Variants in RIN2 observed in about 807,000 individuals in gnomAD.
RIN2 encodes the protein Ras and Rab interactor 2, also known as RAB5 interacting protein 2.
RIN2 carries 36 observed loss-of-function variants against 78.0 expected under a neutral mutation model. That is an observed-to-expected ratio of 0.46 (90% CI 0.35 to 0.61). The LOEUF (loss-of-function observed/expected upper bound fraction) is 0.61, where lower values mean the gene tolerates loss of function less well. Ranked by LOEUF, RIN2 falls within the 20% of genes least tolerant of loss-of-function variation. The pLI, the probability that RIN2 is intolerant of heterozygous loss-of-function variation, is 0.00. For missense variants in RIN2, 1,087 were observed against 1,159.7 expected, an observed-to-expected ratio of 0.94 and a Z score of 0.91; for synonymous variants, 466 against 466.8, an observed-to-expected ratio of 1.00 and a Z score of 0.02.
intron 3 of RIN2, among the ~76,000 whole-genome samples, chr20:19,909,552 A>G (rs995986964): frequency 1.3e-5 from 2 of 151,834 alleles, no homozygotes; most frequent in Non-Finnish European, 2.9e-5. Context: ...CCCGGCACAC[A>G]CTCTGCACCC....
chr20:19,769,263 G>A (rs2034021790), intron 1 of RIN2, among the ~76,000 whole-genome samples: 1 of 152,136 alleles, frequency 6.6e-6, no homozygotes, highest in Admixed American at 6.6e-5. Flanking sequence ...TATTATTATT[G>A]GCTCTGAGTT....
intron 3 of RIN2, among the ~76,000 whole-genome samples, chr20:19,921,845 GTCGGTTGT>G (rs1387508008): frequency 1.5e-5 from 2 of 133,838 alleles, no homozygotes; most frequent in African/African-American, 6.0e-5. Context: ...ATTTGGATCT[GTCGGTTGT>G]TTGTTTGTTT....
chr20:19,889,141 C>G, intron 2 of RIN2: 1 of 985,448 alleles, frequency 1.0e-6, no homozygotes, highest in Non-Finnish European at 1.2e-6. Context: ...GATGACCTCA[C>G]CCCCTTCCAG....
intron 3 of RIN2, among the ~76,000 whole-genome samples, chr20:19,926,068 A>G (rs1370082830): frequency 6.6e-6 from 1 of 152,196 alleles, no homozygotes; most frequent in Non-Finnish European, 1.5e-5. Flanking sequence ...ACCTCATTAC[A>G]ATTTGTCGAG....
At chr20:19,821,659 GCT>G (rs59384906) in intron 2 of RIN2, among the ~76,000 whole-genome samples, 104 of 148,220 alleles carry the variant, frequency 7.0e-4, no homozygotes, top group Non-Finnish European at 7.3e-4. Flanking sequence ...TCCTCACGCT[GCT>G]CTCTCTCTCT....
intron 3 of RIN2, among the ~76,000 whole-genome samples, chr20:19,912,201 C>G (rs2039499232): frequency 6.6e-6 from 1 of 152,358 alleles, no homozygotes; most frequent in South Asian, 2.1e-4. Flanking sequence ...AGTCAAAATG[C>G]TGTGACCCAG....
At chr20:19,865,417 T>C (rs1031432085) in intron 2 of RIN2, among the ~76,000 whole-genome samples, 6 of 151,960 alleles carry the variant, frequency 3.9e-5, no homozygotes, top group Non-Finnish European at 8.8e-5. Flanking sequence ...CCTTAATACA[T>C]ACCCTGAGGG....
intron 2 of RIN2, among the ~76,000 whole-genome samples, chr20:19,843,148 T>G (rs1477013903): frequency 6.6e-6 from 1 of 152,174 alleles, no homozygotes; most frequent in East Asian, 1.9e-4. Context: ...AGAAAATCGT[T>G]TATTGAGATG....
At chr20:19,986,003 G>A (rs577073781) in intron 9 of RIN2, among the ~76,000 whole-genome samples, 1 of 152,290 alleles carries the variant, frequency 6.6e-6, no homozygotes, top group South Asian at 2.1e-4. Context: ...CAGGTAAAGT[G>A]GCTAGAATAG....
intron 1 of RIN2, among the ~76,000 whole-genome samples, chr20:19,796,927 ATGTTTTT>A (rs1600477923): frequency 6.6e-6 from 1 of 152,218 alleles, no homozygotes; most frequent in African/African-American, 2.4e-5. Context: ...CACAGAGTCA[ATGTTTTT>A]TGTTTTTTGT....
chr20:19,935,219 G>C lies in RIN2; in HGVS notation c.158+20G>C, dbSNP rs371203867. The C allele has an allele frequency of 4.1e-5, 65 of 1,572,494 alleles. No individual in the cohort carries two copies. The highest frequency in any genetic ancestry group is 5.3e-5 in the Non-Finnish European group (61 of 1,156,502). ...CCACAGGTGACCAGAGACACGGTTAGGTGATGGGTGCGAGAAAGGGATCGA... is the reference window on the plus strand; with the variant it reads ...CCACAGGTGACCAGAGACACGGTTACGTGATGGGTGCGAGAAAGGGATCGA... On this transcript the variant is annotated intron_variant, in intron 4 of 12. Transcript: ENST00000255006.
intron 1 of RIN2, among the ~76,000 whole-genome samples, chr20:19,773,475 G>A (rs950227888): frequency 6.6e-6 from 1 of 152,200 alleles, no homozygotes; most frequent in South Asian, 2.1e-4. Flanking sequence ...TCAAAGGGCT[G>A]GGTGTGAGTT....
chr20:19,900,945 CAAAAAAAAAAAAAAAAAA>C (rs869239642), intron 3 of RIN2, among the ~76,000 whole-genome samples: 2 of 29,572 alleles, frequency 6.8e-5, no homozygotes, highest in Non-Finnish European at 8.4e-5. Context: ...AGCTCTGTCT[CAAAAAAAAAAAAAAAAAA>C]AAAAAAAAAA....
intron 3 of RIN2, among the ~76,000 whole-genome samples, chr20:19,893,658 G>A (rs933648426): frequency 7.2e-5 from 11 of 152,066 alleles, no homozygotes; most frequent in Non-Finnish European, 1.0e-4. Flanking sequence ...CTGTGGAATC[G>A]CATCCCAGAA....
intron 2 of RIN2, among the ~76,000 whole-genome samples, chr20:19,808,401 TG>T (rs2035478587): frequency 6.6e-6 from 1 of 152,236 alleles, no homozygotes; most frequent in Non-Finnish European, 1.5e-5. Flanking sequence ...GGCTGTGGCA[TG>T]GCCCTGCTTT....
intron 11 of RIN2, 51 bp from the exon 12 acceptor site, chr20:19,996,628 C>G (rs1410907370): frequency 6.3e-7 from 1 of 1,591,746 alleles, no homozygotes; most frequent in African/African-American, 1.3e-5. Context: ...CTGTTATCAC[C>G]CGTGAGCGGA....
intron 1 of RIN2, among the ~76,000 whole-genome samples, chr20:19,797,859 C>CTTTTTTT (rs750371451): frequency 7.8e-6 from 1 of 128,114 alleles, no homozygotes; most frequent in African/African-American, 3.1e-5. Context: ...TCTACTTAAT[C>CTTTTTTT]TTTTTTTTTT....
chr20:19,828,847 C>T (rs938893143), intron 2 of RIN2, among the ~76,000 whole-genome samples: 2 of 152,074 alleles, frequency 1.3e-5, no homozygotes, highest in Non-Finnish European at 2.9e-5. Flanking sequence ...TTGTTCTGCT[C>T]TGTATGATCA....
chr20:19,882,656 T>C (rs2038059671), intron 2 of RIN2, among the ~76,000 whole-genome samples: 1 of 152,218 alleles, frequency 6.6e-6, no homozygotes, highest in South Asian at 2.1e-4. Context: ...TGCACTGTAT[T>C]GCATGAAGTT....
Sources: allele counts gnomAD v4.1 joint callset (sites outside exome capture counted in the v4.1 genomes callset), GRCh38; gene constraint gnomAD v4.1.1; transcripts MANE v1.5; gene names NCBI Gene and HGNC (gene_info 2026-07-23, HGNC 2026-07-21).